Variants in CLEC12A observed in about 807,000 individuals in gnomAD.
CLEC12A encodes the protein C-type lectin protein CLL-1.
CLEC12A carries 22 observed loss-of-function variants against 26.5 expected under a neutral mutation model. The ratio of observed to expected loss-of-function variants is 0.83; its 90% CI spans 0.59 to 1.19. CLEC12A has a LOEUF of 1.19. Ranked by LOEUF, CLEC12A falls within the 50% of genes most tolerant of loss-of-function variation. The pLI, the probability that CLEC12A is intolerant of heterozygous loss-of-function variation, is 0.00. For missense variants in CLEC12A, 353 were observed against 315.6 expected, an observed-to-expected ratio of 1.12 and a Z score of -0.90; for synonymous variants, 119 against 101.9, an observed-to-expected ratio of 1.17 and a Z score of -1.01.
At chr12:9,983,798 G>A (rs1478960988) in intron 5 of CLEC12A, 2 of 355,034 alleles carry the variant, frequency 5.6e-6, no homozygotes, top group Non-Finnish European at 5.2e-6. Flanking sequence ...GGGTCAGAAA[G>A]AAAAGGTGGC....
chr12:9,979,575 T>C (rs775477250), intron 3 of CLEC12A, 51 bp downstream of exon 3: 1 of 1,356,446 alleles, frequency 7.4e-7, no homozygotes, highest in South Asian at 1.3e-5. Flanking sequence ...ACTAAACCAC[T>C]GAGTCTCTTA....
chr12:9,986,912 T>C (rs966932119), downstream of CLEC12A, among the ~76,000 whole-genome samples: 11 of 152,234 alleles, frequency 7.2e-5, no homozygotes, highest in African/African-American at 2.7e-4. Context: ...AAATATGCTA[T>C]TTTAGTTAAA....
chr12:10,002,349 T>C, the CLEC12A span, among the ~76,000 whole-genome samples: 1 of 149,848 alleles, frequency 6.7e-6, no homozygotes, highest in Non-Finnish European at 1.5e-5. Context: ...TGAGTATTCA[T>C]GGAGAAAAAT....
chr12:9,994,074 G>C (rs1864968019), intron 4 of CLEC12A, among the ~76,000 whole-genome samples: 1 of 152,122 alleles, frequency 6.6e-6, no homozygotes, highest in African/African-American at 2.4e-5. Flanking sequence ...GGACTGTATG[G>C]ATATGGGTTT....
At chr12:9,999,618 A>G (rs948713658), downstream of CLEC12A, among the ~76,000 whole-genome samples, 2 of 152,200 alleles carry the variant, frequency 1.3e-5, no homozygotes, top group Non-Finnish European at 2.9e-5. Flanking sequence ...TTGTGTTGGA[A>G]GAGATCATTC....
chr12:9,987,333 G>A (rs1864790168), downstream of CLEC12A, among the ~76,000 whole-genome samples: 1 of 152,182 alleles, frequency 6.6e-6, no homozygotes, highest in South Asian at 2.1e-4. Flanking sequence ...GCATAGGGGT[G>A]GCTTCAGTTA....
At chr12:9,990,298 G>A (rs679982), downstream of CLEC12A, among the ~76,000 whole-genome samples, 88,277 of 152,052 alleles carry the variant, frequency 0.58, 26,129 homozygotes, top group East Asian at 0.87. Flanking sequence ...ACCACCTGGA[G>A]ACAACTTACC....
the CLEC12A span, among the ~76,000 whole-genome samples, chr12:10,002,169 C>A: frequency 6.6e-6 from 1 of 152,108 alleles, no homozygotes; most frequent in African/African-American, 2.4e-5. Flanking sequence ...GCTTTAGCTA[C>A]CGCGCCTGGC....
chr12:9,988,876 G>A (rs1864829353), downstream of CLEC12A, among the ~76,000 whole-genome samples: 1 of 152,114 alleles, frequency 6.6e-6, no homozygotes. Context: ...TATACCCAAA[G>A]GATTATAAAA....
intron 4 of CLEC12A, among the ~76,000 whole-genome samples, chr12:9,994,176 G>A (rs778157692): frequency 6.6e-6 from 1 of 152,092 alleles, no homozygotes; most frequent in Non-Finnish European, 1.5e-5. Flanking sequence ...GATGGTCATG[G>A]AGTTGTGGAG....
chr12:9,985,257 C>A lies in CLEC12A; in HGVS notation c.*231C>A, dbSNP rs957587757. The A allele has an allele frequency of 9.5e-6, 4 of 422,766 alleles. No homozygotes were observed. The Admixed American group carries it at 1.8e-4, about 19-fold the overall frequency. The allele number at this position is 422,766 out of a possible 1,614,324, so 26.2% of individuals were successfully genotyped here. A position where few individuals can be genotyped will look rare whatever the true frequency, so the allele number is the denominator to read the frequency against. ...TCCCACTTTCCATCATGGCCTGAACCCTGGAGGAAGAGGAAGTCCATTCAG... is the reference window on the plus strand; with the variant it reads ...TCCCACTTTCCATCATGGCCTGAACACTGGAGGAAGAGGAAGTCCATTCAG... On this transcript the variant is annotated 3_prime_UTR_variant, in exon 6 of 6. Transcript: ENST00000304361.
chr12:10,006,003 C>T, the CLEC12A span, among the ~76,000 whole-genome samples: 3 of 152,132 alleles, frequency 2.0e-5, no homozygotes, highest in Non-Finnish European at 4.4e-5. Flanking sequence ...AGAATGAATC[C>T]TTCTGTCATG....
downstream of CLEC12A, chr12:9,996,742 C>T (rs1477175410): frequency 8.5e-7 from 1 of 1,183,174 alleles, no homozygotes; most frequent in Non-Finnish European, 1.3e-6. Flanking sequence ...TTAGTACAAA[C>T]TGAAAGATGT....
intron 1 of CLEC12A, among the ~76,000 whole-genome samples, chr12:9,957,368 A>G (rs542134838): frequency 6.6e-6 from 1 of 152,090 alleles, no homozygotes; most frequent in South Asian, 2.1e-4. Context: ...CACGGCTGTA[A>G]TCCCAGCTAC....
chr12:9,985,718 T>C, downstream of CLEC12A: 1 of 353,780 alleles, frequency 2.8e-6, no homozygotes, highest in Non-Finnish European at 5.0e-6. Context: ...AATATATAGA[T>C]AGATATGTTT....
the CLEC12A span, among the ~76,000 whole-genome samples, chr12:10,001,881 CTTT>C: frequency 1.5e-5 from 2 of 134,212 alleles, no homozygotes; most frequent in Non-Finnish European, 1.6e-5. Flanking sequence ...TAAACAAAAT[CTTT>C]TTTTTTTTTT....
At chr12:9,974,854 A>G (rs951990810) in intron 1 of CLEC12A, among the ~76,000 whole-genome samples, 1 of 152,144 alleles carries the variant, frequency 6.6e-6, no homozygotes, top group African/African-American at 2.4e-5. Context: ...CCCAAATCTC[A>G]TCTTGAATTG....
chr12:10,003,221 A>G, the CLEC12A span, among the ~76,000 whole-genome samples: 5 of 152,244 alleles, frequency 3.3e-5, no homozygotes, highest in African/African-American at 1.2e-4. Flanking sequence ...TTCCTGTCAT[A>G]GAAAAGTATA....
chr12:9,992,155 T>C (rs1864908714), intron 4 of CLEC12A: 1 of 152,178 alleles, frequency 6.6e-6, no homozygotes. Context: ...CCACATATTC[T>C]GTAAATACTT....
Sources: gnomAD v4.1 joint callset for allele counts (sites outside exome capture counted in the v4.1 genomes callset) on GRCh38, gnomAD v4.1.1 for gene constraint, MANE v1.5 for transcripts, NCBI Gene and HGNC (gene_info 2026-07-23, HGNC 2026-07-21) for gene names.